KAZN: variants seen among roughly 807,000 people sequenced by gnomAD.
KAZN encodes kazrin, periplakin interacting protein.
A neutral mutation model predicts 87.4 loss-of-function variants in KAZN; 40 were observed. The ratio of observed to expected loss-of-function variants is 0.46; its 90% CI spans 0.36 to 0.60. The LOEUF (loss-of-function observed/expected upper bound fraction) is 0.60. Among genes scored for constraint, KAZN ranks in the 20% least tolerant of loss-of-function variants. The pLI, the probability that KAZN is intolerant of heterozygous loss-of-function variation, is 0.00. For synonymous variants in KAZN, 466 were observed against 458.3 expected (o/e 1.02, Z -0.22); for missense variants, 898 against 1,073.9 (o/e 0.84, Z 2.29).
intron 2 of KAZN, among the ~76,000 whole-genome samples, chr1:14,235,454 G>A (rs972384877): frequency 3.3e-5 from 5 of 152,144 alleles, no homozygotes; most frequent in Non-Finnish European, 7.3e-5. Flanking sequence ...GTCAGCGGAG[G>A]GGGGATGTAG....
At chr1:14,422,346 C>G (rs1250188357) in intron 2 of KAZN, among the ~76,000 whole-genome samples, 2 of 152,142 alleles carry the variant, frequency 1.3e-5, no homozygotes, top group Non-Finnish European at 1.5e-5. Flanking sequence ...TGCAACAAGC[C>G]CAGTGGGGAA....
At chr1:14,598,249 C>T (rs1459146326), upstream of KAZN, among the ~76,000 whole-genome samples, 1 of 152,152 alleles carries the variant, frequency 6.6e-6, no homozygotes, top group Non-Finnish European at 1.5e-5. The surrounding 1 kb of genome is among the most constrained non-coding windows in gnomAD (Gnocchi z 4.2). Flanking sequence ...CTGGGGATTT[C>T]GTACTCGCAG....
chr1:14,971,767 C>G (rs568131315), intron 2 of KAZN, among the ~76,000 whole-genome samples: 3 of 150,862 alleles, frequency 2.0e-5, no homozygotes, highest in African/African-American at 7.3e-5. Context: ...CTGCAAGCTC[C>G]GCCTCCCGGG....
intron 1 of KAZN, among the ~76,000 whole-genome samples, chr1:14,177,322 G>A (rs573182823): frequency 6.7e-6 from 1 of 149,010 alleles, no homozygotes; most frequent in African/African-American, 2.5e-5. Flanking sequence ...GAAAGAACAT[G>A]TTTATGCTAC....
intron 1 of KAZN, among the ~76,000 whole-genome samples, chr1:14,103,198 G>A (rs368137445): frequency 4.6e-5 from 7 of 152,136 alleles, no homozygotes; most frequent in African/African-American, 1.7e-4. Flanking sequence ...CGGGATTACA[G>A]GTGTGAGCCA....
chr1:14,841,815 T>A lies in KAZN; in HGVS notation c.227-118869T>A, dbSNP rs570472426. On this transcript the variant is annotated intron_variant, in intron 1 of 14. Transcript: ENST00000376030. ...ATGAATGAATGCACCAGGCAATGGA[T>A]CGGACCTGCCTGATTATCTATCTCA... Among the ~76,000 whole-genome samples the A allele has an allele frequency of 3.9e-5, 6 of 152,350 alleles. No individual in the cohort carries two copies. The East Asian group carries it at 1.2e-3, about 29-fold the overall frequency.
chr1:14,636,206 C>T (rs752713419), intron 1 of KAZN, among the ~76,000 whole-genome samples: 1 of 152,154 alleles, frequency 6.6e-6, no homozygotes, highest in African/African-American at 2.4e-5. Flanking sequence ...AAGGCACCTC[C>T]GTCTCTTGGC....
intron 2 of KAZN, among the ~76,000 whole-genome samples, chr1:14,396,507 A>G (rs376472665): frequency 3.0e-4 from 45 of 152,318 alleles, no homozygotes; most frequent in African/African-American, 1.1e-3. Context: ...GGCAATGCCC[A>G]CCCGTCAGAC....
At position 13,977,070 on chromosome 1, in the gene KAZN, C is replaced by A. The variant is rs74520115; in HGVS notation, c.91+83314C>A. Among the ~76,000 whole-genome samples the A allele has an allele frequency of 9.7e-3, 1,483 of 152,290 alleles. 19 individuals carry two copies. The highest frequency in any genetic ancestry group is 0.032 in the African/African-American group (1,341 of 41,574). ...TTCAGCAATTTCCCTCTGTTGAATACAGGTTGGTTCCCCATTGTTGGTGAG... is the reference window on the plus strand; with the variant it reads ...TTCAGCAATTTCCCTCTGTTGAATAAAGGTTGGTTCCCCATTGTTGGTGAG... On this transcript the variant is annotated intron_variant, in intron 1 of 16. Transcript: ENST00000636203.
intron 1 of KAZN, among the ~76,000 whole-genome samples, chr1:14,711,890 C>T (rs1482292670): frequency 6.6e-6 from 1 of 152,222 alleles, no homozygotes; most frequent in Non-Finnish European, 1.5e-5. Context: ...CTGTGAGACA[C>T]TCAGTGTTGC....
intron 2 of KAZN, among the ~76,000 whole-genome samples, chr1:14,311,143 A>T (rs754720592): frequency 1.8e-4 from 28 of 152,220 alleles, no homozygotes; most frequent in Non-Finnish European, 2.4e-4. Context: ...TTGCAGGTCC[A>T]GCCTTCTCTG....
intron 1 of KAZN, among the ~76,000 whole-genome samples, chr1:14,019,644 A>T (rs969045337): frequency 6.6e-6 from 1 of 152,132 alleles, no homozygotes; most frequent in Non-Finnish European, 1.5e-5. Flanking sequence ...AGGGTGCTAC[A>T]TTGCCCTACT....
chr1:14,517,491 T>C lies in KAZN; in HGVS notation c.250-81492T>C, dbSNP rs182283842. On this transcript the variant is annotated intron_variant, in intron 2 of 16. Transcript: ENST00000636203. ...GTTCTAACTTACTCAGTTTGAGTCATTTCCAACCAAAAGGTTAATGCAGAA... is the reference window on the plus strand; with the variant it reads ...GTTCTAACTTACTCAGTTTGAGTCACTTCCAACCAAAAGGTTAATGCAGAA... Among the ~76,000 whole-genome samples the C allele has an allele frequency of 4.2e-3, 637 of 152,334 alleles. 6 individuals are homozygous for C. The highest frequency in any genetic ancestry group is 0.015 in the African/African-American group (615 of 41,582).
chr1:14,184,881 G>T lies in KAZN; in HGVS notation c.249+4289G>T, dbSNP rs1234688219. 6.6e-6 allele frequency among the ~76,000 whole-genome samples: 1 copy of T among 152,176 alleles called. No individual in the cohort carries two copies. Among genetic ancestry groups the T allele is most frequent in the Non-Finnish European group, 1.5e-5 (1 of 68,030 alleles). ...AGCAGTTCACACCTATTATAGAAGT[G>T]CATTTTAATTTGATTCTTCTGTTAC... is the stretch of plus-strand genomic sequence containing the variant. On this transcript the variant is annotated intron_variant, in intron 2 of 16. Coordinates refer to the KAZN transcript ENST00000636203. This position sits in a 1 kb window ranked among gnomAD's most constrained non-coding sequence, Gnocchi z 4.2.
At chr1:14,172,935 G>A (rs1645986629) in intron 1 of KAZN, among the ~76,000 whole-genome samples, 1 of 152,178 alleles carries the variant, frequency 6.6e-6, no homozygotes, top group South Asian at 2.1e-4. Context: ...GGCGGTCTCA[G>A]GTGCCTCAGA....
intron 2 of KAZN, among the ~76,000 whole-genome samples, chr1:14,359,080 A>G (rs1418148509): frequency 6.6e-6 from 1 of 151,970 alleles, no homozygotes; most frequent in Non-Finnish European, 1.5e-5. Context: ...GGTCTCTAAG[A>G]ACTTGCTTTA....
At position 14,735,614 on chromosome 1, in the gene KAZN, A is replaced by G. The variant is rs562428390; in HGVS notation, c.226+136391A>G. Reference sequence around the variant, plus strand: ...CAGCCCCCCACGCTGAGATCCATATACCCAAACATCAGCGAGGCTGCCGTG... The same window carrying G: ...CAGCCCCCCACGCTGAGATCCATATGCCCAAACATCAGCGAGGCTGCCGTG... On this transcript the variant is annotated intron_variant, in intron 1 of 14. Transcript: ENST00000376030. The surrounding 1 kb of genome is among the most constrained non-coding windows in gnomAD (Gnocchi z 4.3). Among the ~76,000 whole-genome samples the G allele has an allele frequency of 6.6e-6, 1 of 152,254 alleles. No homozygotes were observed. The highest frequency in any genetic ancestry group is 2.1e-4 in the South Asian group (1 of 4,818).
At chr1:14,984,044 A>T (rs1428263569) in intron 2 of KAZN, among the ~76,000 whole-genome samples, 2 of 152,202 alleles carry the variant, frequency 1.3e-5, no homozygotes, top group African/African-American at 4.8e-5. Flanking sequence ...TTGGAGTAGT[A>T]ATTCTGAAAT....
At chr1:14,479,697 A>T (rs1668962834) in intron 2 of KAZN, among the ~76,000 whole-genome samples, 1 of 151,688 alleles carries the variant, frequency 6.6e-6, no homozygotes, top group Non-Finnish European at 1.5e-5. Flanking sequence ...CCCCTCCCCC[A>T]CCATCTCACA....
Sources: allele counts gnomAD v4.1 joint callset (sites outside exome capture counted in the v4.1 genomes callset), GRCh38; gene constraint gnomAD v4.1.1; non-coding constraint Gnocchi (gnomAD v3.1); transcripts MANE v1.5; gene names NCBI Gene and HGNC (gene_info 2026-07-23, HGNC 2026-07-21).